ADAM18: variants seen among roughly 807,000 people sequenced by gnomAD.
The protein encoded by ADAM18 is ADAM metallopeptidase domain 18, also known as disintegrin and metalloproteinase domain-containing protein 18.
Under a neutral mutation model 94.4 loss-of-function variants are expected in ADAM18, and 117 were observed. That is an observed-to-expected ratio of 1.24 (90% confidence interval 1.07 to 1.45). ADAM18 has a LOEUF of 1.45. Among genes scored for constraint, ADAM18 ranks in the 40% most tolerant of loss-of-function variants. The pLI is 0.00. For missense variants in ADAM18, 936 were observed against 880.0 expected (o/e 1.06, Z -0.81); for synonymous variants, 327 against 291.6 (o/e 1.12, Z -1.24).
In ADAM18 at chr8:39,680,179, A is replaced by G; in HGVS notation, c.1774A>G (p.Thr592Ala). The G allele has an allele frequency of 6.2e-7, 1 of 1,613,842 alleles. No individual in the cohort carries two copies. The highest frequency in any genetic ancestry group is 1.3e-5 in the African/African-American group (1 of 75,040). ...ATGSSMRSDG[T>A]DNAYVADGTM... ...TGGTTCCTCCATGAGATCAGATGGAACAGACAATGCCTATGTGGCTGATGG... is the reference window on the plus strand; with the variant it reads ...TGGTTCCTCCATGAGATCAGATGGAGCAGACAATGCCTATGTGGCTGATGG... The change falls in exon 16 of 20, where the codon ACA becomes GCA. Residue 592 changes from threonine to alanine, a missense_variant. Physicochemically the swap from Thr to Ala is moderately conservative, Grantham distance 58. Coordinates refer to ENST00000265707, the MANE Select transcript of ADAM18 (RefSeq NM_014237.3).
rs1302564149 is a variant in ADAM18, at chr8:39,718,585, G to T, written c.2018-5163G>T. Among the ~76,000 whole-genome samples, 7 of 151,334 alleles carry T rather than the reference G, an allele frequency of 4.6e-5. 1 individual carries two copies. In the East Asian group the frequency reaches 5.8e-4, roughly 13 times the overall value. On this transcript the variant is annotated intron_variant, in intron 18 of 19. Transcript: ENST00000265707. ...GGGGTGGAAAATTACAAATTAATGGGCATAAAGTGTCAGTGAAGCAAGATG... is the reference window on the plus strand; with the variant it reads ...GGGGTGGAAAATTACAAATTAATGGTCATAAAGTGTCAGTGAAGCAAGATG...
At chr8:39,681,638 A>G (rs1234589090) in intron 16 of ADAM18, among the ~76,000 whole-genome samples, 4 of 152,154 alleles carry the variant, frequency 2.6e-5, no homozygotes, top group Admixed American at 6.6e-5. Context: ...GTGGGTAGAG[A>G]CCAGAAGAAT....
At chr8:39,651,160 C>T (rs1277785585) in intron 12 of ADAM18, among the ~76,000 whole-genome samples, 4 of 152,148 alleles carry the variant, frequency 2.6e-5, no homozygotes, top group Non-Finnish European at 4.4e-5. Flanking sequence ...GCAGTATTGC[C>T]GCCAGTATGT....
chr8:39,680,300 C>T, intron 16 of ADAM18, 74 bp downstream of exon 16: 8 of 1,314,474 alleles, frequency 6.1e-6, no homozygotes, highest in Non-Finnish European at 8.4e-6. Flanking sequence ...TCCATGATGA[C>T]TATCACAATT....
At chr8:39,693,819 G>T (rs1821846966) in intron 17 of ADAM18, among the ~76,000 whole-genome samples, 1 of 150,878 alleles carries the variant, frequency 6.6e-6, no homozygotes, top group African/African-American at 2.4e-5. Flanking sequence ...AAAGAAAAAC[G>T]ACTTAAAAAT....
In ADAM18 at chr8:39,638,523, A is replaced by G; in HGVS notation, c.886A>G (p.Ser296Gly). The G allele has an allele frequency of 6.3e-7, 1 of 1,576,490 alleles. No individual in the cohort carries two copies. Among genetic ancestry groups the G allele is most frequent in the East Asian group, 2.3e-5 (1 of 43,860 alleles). The change falls in exon 10 of 20, where the codon AGC becomes GGC. Residue 296 changes from serine to glycine, a missense_variant. Physicochemically the swap from Ser to Gly is moderately conservative, Grantham distance 56. Transcript: ENST00000265707. Reference protein sequence around the residue: ...ATFPGTVCNKSYDAGIAMYPD... With the variant: ...ATFPGTVCNKGYDAGIAMYPD... ...ATTTCCTGGCACTGTATGCAATAAAAGCTATGATGCAGGTATTGCTATGGT... is the reference window on the plus strand; with the variant it reads ...ATTTCCTGGCACTGTATGCAATAAAGGCTATGATGCAGGTATTGCTATGGT...
chr8:39,636,600 T>C (rs1053948620), intron 7 of ADAM18, among the ~76,000 whole-genome samples: 2 of 152,174 alleles, frequency 1.3e-5, no homozygotes, highest in Non-Finnish European at 2.9e-5. Context: ...TACATCATAA[T>C]GTTTTTATAT....
chr8:39,689,618 C>G (rs1386001044), intron 16 of ADAM18, among the ~76,000 whole-genome samples: 3 of 152,198 alleles, frequency 2.0e-5, no homozygotes, highest in Admixed American at 1.3e-4. Flanking sequence ...AGTTTGAAGT[C>G]AGGCAGCATG....
In ADAM18 at chr8:39,609,035, T is replaced by G. The variant is rs764351937; in HGVS notation, c.189-7T>G. 15 of 1,517,590 alleles carry G rather than the reference T, an allele frequency of 9.9e-6. No individual in the cohort carries two copies. The Admixed American group carries it at 1.4e-4, about 15-fold the overall frequency. The allele number at this position is 1,517,590 out of a possible 1,614,324, so 94.0% of individuals were successfully genotyped here. On this transcript the variant is annotated splice_region_variant and splice_polypyrimidine_tract_variant and intron_variant, in intron 3 of 19. Transcript: ENST00000265707. The stretch of plus-strand genomic sequence containing the variant: ...TCATACTTTTTTATTATTTCTTGGT[T>G]TTTTAGATCATTCTTACCCCAGAAC...
chr8:39,669,612 G>A (rs965515133), intron 14 of ADAM18, among the ~76,000 whole-genome samples: 1 of 151,404 alleles, frequency 6.6e-6, no homozygotes, highest in African/African-American at 2.4e-5. Context: ...ATGGTTTCCA[G>A]TTTCATCCGT....
At chr8:39,718,280 A>G (rs1822636905) in intron 18 of ADAM18, among the ~76,000 whole-genome samples, 3 of 151,584 alleles carry the variant, frequency 2.0e-5, no homozygotes, top group African/African-American at 7.3e-5. Context: ...TCATAGCACT[A>G]TTCACAATAC....
intron 6 of ADAM18, among the ~76,000 whole-genome samples, chr8:39,614,463 C>A (rs890818165): frequency 6.6e-5 from 10 of 152,078 alleles, no homozygotes; most frequent in African/African-American, 9.7e-5. Context: ...ACAAGAGGCC[C>A]TTAAGGGAAT....
intron 2 of ADAM18, among the ~76,000 whole-genome samples, chr8:39,592,969 C>G (rs1476150239): frequency 1.3e-5 from 2 of 152,164 alleles, no homozygotes; most frequent in Admixed American, 6.5e-5. Flanking sequence ...CGGTCTTCAT[C>G]AATTATCTTA....
At chr8:39,617,351 C>T (rs1327440779) in intron 6 of ADAM18, among the ~76,000 whole-genome samples, 1 of 152,054 alleles carries the variant, frequency 6.6e-6, no homozygotes, top group Non-Finnish European at 1.5e-5. Context: ...TACAGATACT[C>T]ACGAGGCTGT....
At chr8:39,725,344 G>A (rs544935579) in intron 19 of ADAM18, among the ~76,000 whole-genome samples, 2 of 151,822 alleles carry the variant, frequency 1.3e-5, no homozygotes, top group African/African-American at 4.8e-5. Context: ...CTTTACCAAG[G>A]TAAGAACACT....
chr8:39,645,595 T>C, intron 11 of ADAM18, 121 bp downstream of exon 11: 2 of 960,260 alleles, frequency 2.1e-6, no homozygotes, highest in South Asian at 1.7e-5. Context: ...ACATCATGCT[T>C]GTAAAGTTAT....
At position 39,677,659 on chromosome 8, in the gene ADAM18, A is replaced by G. The variant is rs527771980; in HGVS notation, c.1631+123A>G. 2.1e-4 allele frequency: 133 copies of G among 632,026 alleles called. No homozygotes were observed. The African/African-American group carries it at 2.4e-3, about 11-fold the overall frequency. The allele number at this position is 632,026 out of a possible 1,614,324, so 39.2% of individuals were successfully genotyped here. A position where few individuals can be genotyped will look rare whatever the true frequency, so the allele number is the denominator to read the frequency against. On this transcript the variant is annotated intron_variant, in intron 15 of 19. Transcript: ENST00000265707. The stretch of plus-strand genomic sequence containing the variant: ...TGGGAATATTTTCAAATACCAATGC[A>G]TATATTTTTTCTATGAAATTCAGGA...
At chr8:39,721,384 T>C (rs1204931322) in intron 18 of ADAM18, among the ~76,000 whole-genome samples, 1 of 151,282 alleles carries the variant, frequency 6.6e-6, no homozygotes, top group Non-Finnish European at 1.5e-5. Flanking sequence ...CAAAAACAAA[T>C]GCAACGAAAG....
intron 17 of ADAM18, among the ~76,000 whole-genome samples, chr8:39,703,611 G>C (rs183799445): frequency 1.6e-4 from 24 of 151,980 alleles, no homozygotes; most frequent in Non-Finnish European, 3.1e-4. Context: ...TGATGTTAGC[G>C]GTGGTTTTGT....
Sources: allele counts gnomAD v4.1 joint callset (sites outside exome capture counted in the v4.1 genomes callset), GRCh38; gene constraint gnomAD v4.1.1; transcripts MANE v1.5; gene names NCBI Gene and HGNC (gene_info 2026-07-23, HGNC 2026-07-21).